HLA-DRB1: variants seen among roughly 807,000 people sequenced by gnomAD.
HLA-DRB1 encodes the protein major histocompatibility complex, class II, DR beta 1, also known as major histocompatibility complex, class II, DR beta 1 precursor.
A neutral mutation model predicts 27.9 loss-of-function variants in HLA-DRB1; 10 were observed. The observed-to-expected ratio is 0.36, with a 90% confidence interval of 0.22 to 0.61. The LOEUF is 0.61. Ranked by LOEUF, HLA-DRB1 falls within the 20% of genes least tolerant of loss-of-function variation. HLA-DRB1 has a pLI of 0.73. For synonymous variants in HLA-DRB1, 57 were observed against 126.7 expected (o/e 0.45, Z 3.69); for missense variants, 118 against 306.3 (o/e 0.39, Z 4.59).
At chr6:32,582,447 A>G (rs566863557) in intron 2 of HLA-DRB1, among the ~76,000 whole-genome samples, 7,216 of 119,436 alleles carry the variant, frequency 0.06, 417 homozygotes, top group Admixed American at 0.077. Context: ...ATATGATTTA[A>G]AGCAATATGC....
At chr6:32,586,924 G>A (rs1458835504) in intron 1 of HLA-DRB1, among the ~76,000 whole-genome samples, 1 of 106,724 alleles carries the variant, frequency 9.4e-6, no homozygotes, top group African/African-American at 3.6e-5. Flanking sequence ...TACATGCCAA[G>A]TCTGTCCACT....
At chr6:32,579,383 T>C (rs1775158343) in intron 5 of HLA-DRB1, among the ~76,000 whole-genome samples, 1 of 73,582 alleles carries the variant, frequency 1.4e-5, no homozygotes, top group South Asian at 4.4e-4. Context: ...CCTGAGTTTG[T>C]TCCTTCCGGT....
At chr6:32,581,890 C>G (rs41293164) in intron 2 of HLA-DRB1, 52 bp from the exon 3 acceptor site, 177,283 of 821,340 alleles carry the variant, frequency 0.22, 28,471 homozygotes, top group African/African-American at 0.32. Flanking sequence ...GAGTAAGTCT[C>G]CTGGTTTGGC....
chr6:32,580,336 G>A (rs41287242), intron 4 of HLA-DRB1, 66 bp from the exon 5 acceptor site: 236,323 of 594,126 alleles, frequency 0.4, 58,169 homozygotes, highest in South Asian at 0.5. Flanking sequence ...CCAACACAAT[G>A]TCCCAGCCCC....
chr6:32,586,273 A>G (rs34691324), intron 1 of HLA-DRB1, among the ~76,000 whole-genome samples: 15,089 of 94,518 alleles, frequency 0.16, 3,457 homozygotes, highest in Admixed American at 0.17. Context: ...TCTCTACTCA[A>G]AACAGTCAAC....
chr6:32,580,412 A>AGGAG, intron 4 of HLA-DRB1, 142 bp from the exon 5 acceptor site: 6 of 505,632 alleles, frequency 1.2e-5, no homozygotes, highest in Admixed American at 7.3e-5. Context: ...AGGAGCAGAA[A>AGGAG]CAGACCATGT....
intron 3 of HLA-DRB1, 150 bp from the exon 4 acceptor site, chr6:32,581,006 A>G (rs1490724352): frequency 0.025 from 11,634 of 459,006 alleles, 261 homozygotes; most frequent in East Asian, 0.044. Context: ...AAGGATTTCA[A>G]ATTACACTGA....
chr6:32,586,821 T>C lies in HLA-DRB1; in HGVS notation c.101-2443A>G, dbSNP rs36011744. ...TTTTTCCTATCTCAATAAACAACAC[T>C]ACCACCCATTTATTTGTCAAAAGAA... On this transcript the variant is annotated intron_variant, in intron 1 of 5. Transcript: ENST00000360004. 4.3e-3 allele frequency among the ~76,000 whole-genome samples: 387 copies of C among 89,100 alleles called. No homozygotes were observed. In the East Asian group the frequency reaches 0.055, roughly 13 times the overall value. 58.5% of individuals were successfully genotyped at this position (89,100 alleles called of 152,430 possible). A position where few individuals can be genotyped will look rare whatever the true frequency, so the allele number is the denominator to read the frequency against.
In HLA-DRB1 at chr6:32,585,176, C is replaced by A. The variant is rs116743472; in HGVS notation, c.101-798G>T. Among the ~76,000 whole-genome samples, 11 of 86,178 alleles carry A rather than the reference C, an allele frequency of 1.3e-4. 3 individuals are homozygous for A. In the Admixed American group the frequency reaches 1.3e-3, roughly 11 times the overall value. The allele number at this position is 86,178 out of a possible 152,430, so 56.5% of individuals were successfully genotyped here. The stretch of plus-strand genomic sequence containing the variant: ...TATACAACGTTTAAAATGATAAATG[C>A]AAAATGAATGAAAGTTTCTCCTATA... On this transcript the variant is annotated intron_variant, in intron 1 of 5. Coordinates refer to ENST00000360004, the Ensembl canonical transcript of HLA-DRB1.
At position 32,581,455 on chromosome 6, in the gene HLA-DRB1, A is replaced by C. The variant is rs1775478021; in HGVS notation, c.652+102T>G. 3.4e-5 allele frequency: 18 copies of C among 529,372 alleles called. 3 individuals are homozygous for C. The highest frequency in any genetic ancestry group is 4.7e-5 in the Non-Finnish European group (16 of 339,434). 32.8% of individuals were successfully genotyped at this position (529,372 alleles called of 1,614,324 possible). On this transcript the variant is annotated intron_variant, in intron 3 of 5. Transcript: ENST00000360004. ...GCTGATGGAGATGAGAACATGGAGC[A>C]AATTAAAATAGGATGTGGGAGAGGA...
chr6:32,583,986 C>T (rs9256940), intron 2 of HLA-DRB1, 123 bp downstream of exon 2: 1 of 242,320 alleles, frequency 4.1e-6, no homozygotes, highest in Non-Finnish European at 5.9e-6. Flanking sequence ...CTCTCTCTCT[C>T]TTCCTCTCTC....
At chr6:32,587,678 C>G (rs1453069285) in intron 1 of HLA-DRB1, among the ~76,000 whole-genome samples, 1 of 64,732 alleles carries the variant, frequency 1.5e-5, no homozygotes, top group Non-Finnish European at 3.2e-5. Context: ...GTCACTTTCT[C>G]AGGTGGAGCT....
intron 5 of HLA-DRB1, among the ~76,000 whole-genome samples, chr6:32,579,365 T>TA (rs1160343798): frequency 2.2e-5 from 2 of 89,374 alleles, no homozygotes; most frequent in African/African-American, 4.1e-5. Context: ...ACCATCATTC[T>TA]GGTGTGTCCT....
intron 1 of HLA-DRB1, among the ~76,000 whole-genome samples, chr6:32,586,012 G>C (rs576886948): frequency 8.3e-6 from 1 of 120,904 alleles, no homozygotes; most frequent in Middle Eastern, 4.4e-3. Flanking sequence ...TCATGACCTA[G>C]AGTAATAACT....
At chr6:32,584,163 T>G in exon 2 of HLA-DRB1, 3 of 1,305,542 alleles carry the variant, frequency 2.3e-6, no homozygotes, top group South Asian at 1.2e-5. Flanking sequence ...CTGCAGTAGG[T>G]GTCCACCGCG....
intron 1 of HLA-DRB1, among the ~76,000 whole-genome samples, chr6:32,587,740 C>CAT (rs1333087978): frequency 0.41 from 47,871 of 117,280 alleles, 12,247 homozygotes; most frequent in Middle Eastern, 0.59. Flanking sequence ...TTTTCACAAA[C>CAT]CTGATGTCTT....
At chr6:32,582,680 T>C (rs35950402) in intron 2 of HLA-DRB1, among the ~76,000 whole-genome samples, 6,901 of 70,440 alleles carry the variant, frequency 0.098, 526 homozygotes, top group East Asian at 0.16. Flanking sequence ...AAAGTTCTTA[T>C]ATTTACATTT....
At chr6:32,578,943 G>A (rs1314916283) in exon 6 of HLA-DRB1, 1 of 490,130 alleles carries the variant, frequency 2.0e-6, no homozygotes, top group African/African-American at 2.0e-5. Context: ...GAAGCCACAA[G>A]GGAGGACATT....
chr6:32,583,640 A>C (rs28724060), intron 2 of HLA-DRB1, among the ~76,000 whole-genome samples: 35 of 59,718 alleles, frequency 5.9e-4, no homozygotes, highest in South Asian at 1.7e-3. Flanking sequence ...TGCCAGGGAG[A>C]GTCTGGAACT....
Sources: allele counts gnomAD v4.1 joint callset (sites outside exome capture counted in the v4.1 genomes callset), GRCh38; gene constraint gnomAD v4.1.1; transcripts MANE v1.5; gene names NCBI Gene and HGNC (gene_info 2026-07-23, HGNC 2026-07-21).